CACNA2D1: variants seen among roughly 807,000 people sequenced by gnomAD.
The protein encoded by CACNA2D1 is calcium voltage-gated channel auxiliary subunit alpha2delta 1, also known as voltage-dependent calcium channel subunit alpha-2/delta-1.
CACNA2D1 carries 53 observed loss-of-function variants against 171.5 expected under a neutral mutation model. That is an observed-to-expected ratio of 0.31 (90% CI 0.25 to 0.39). The LOEUF is 0.39. CACNA2D1 is among the 10% of genes least tolerant of loss of function. The pLI, the probability that CACNA2D1 is intolerant of heterozygous loss-of-function variation, is 1.00. For synonymous variants in CACNA2D1, 442 were observed against 443.1 expected, an observed-to-expected ratio of 1.00 and a Z score of 0.03; for missense variants, 903 against 1,299.8, an observed-to-expected ratio of 0.69 and a Z score of 4.69.
intron 38 of CACNA2D1, among the ~76,000 whole-genome samples, chr7:81,955,905 T>TGGGGGGGGGGG (rs59823054): frequency 1.9e-5 from 1 of 53,934 alleles, no homozygotes; most frequent in Non-Finnish European, 3.5e-5. Flanking sequence ...GTTATTTTGG[T>TGGGGGGGGGGG]GGGGGGGGGG....
At chr7:82,357,131 A>G (rs1211621577) in intron 1 of CACNA2D1, among the ~76,000 whole-genome samples, 1 of 152,184 alleles carries the variant, frequency 6.6e-6, no homozygotes, top group Non-Finnish European at 1.5e-5. Flanking sequence ...GAATATGCAG[A>G]TTTTCATTAA....
At chr7:82,302,085 A>G (rs1813084735) in intron 3 of CACNA2D1, among the ~76,000 whole-genome samples, 1 of 152,140 alleles carries the variant, frequency 6.6e-6, no homozygotes, top group Admixed American at 6.6e-5. Context: ...TAGACAGAAT[A>G]TATTTAAATT....
At chr7:82,440,997 T>A (rs2129459990) in intron 1 of CACNA2D1, among the ~76,000 whole-genome samples, 1 of 151,636 alleles carries the variant, frequency 6.6e-6, no homozygotes, top group Non-Finnish European at 1.5e-5. Context: ...TATTTACTAA[T>A]GATTCCGAGA....
chr7:82,325,441 G>A (rs1386953845), intron 3 of CACNA2D1, among the ~76,000 whole-genome samples: 10 of 151,996 alleles, frequency 6.6e-5, no homozygotes, highest in Non-Finnish European at 1.0e-4. Flanking sequence ...ATGGTACTAT[G>A]AGAGCCCAGT....
chr7:82,104,535 C>T (rs763952759), intron 6 of CACNA2D1, among the ~76,000 whole-genome samples: 34 of 151,992 alleles, frequency 2.2e-4, no homozygotes, highest in Admixed American at 4.6e-4. Flanking sequence ...CAAATGTTCA[C>T]TGAATATCAC....
Position 82,443,469 on chromosome 7 carries a change from C to T in CACNA2D1, c.-10G>A. On this transcript the variant is annotated 5_prime_UTR_variant, in exon 1 of 39. Coordinates refer to ENST00000356860, the MANE Select transcript of CACNA2D1 (RefSeq NM_000722.4). The stretch of plus-strand genomic sequence containing the variant: ...GGCAGCCAGCAGCCATCTTCGCGAT[C>T]GAAGATCAATGCCCCCTCCCTGCCC... 2.5e-6 allele frequency: 4 copies of T among 1,606,672 alleles called. No homozygotes were observed. Among genetic ancestry groups the T allele is most frequent in the Non-Finnish European group, 3.4e-6 (4 of 1,176,328 alleles).
chr7:82,322,801 A>C (rs889298712), intron 3 of CACNA2D1, among the ~76,000 whole-genome samples: 4 of 152,168 alleles, frequency 2.6e-5, no homozygotes, highest in African/African-American at 4.8e-5. Flanking sequence ...TGAAGAACAG[A>C]TGCAAAGAAC....
In CACNA2D1 at chr7:82,181,041, A is replaced by ATTTTTTTTTTTTTTTTTTTTTTTTTTT. The variant is rs71093367; in HGVS notation, c.295-10459_295-10433dup. On this transcript the variant is annotated intron_variant, in intron 3 of 38. Coordinates refer to ENST00000356860, the MANE Select transcript of CACNA2D1 (RefSeq NM_000722.4). Reference sequence around the variant, plus strand: ...GGTCAGCAGCTGTGGGGCATGTCGGATTTTTTTTTTTTTTTTTTTTTTTTT... The same window carrying ATTTTTTTTTTTTTTTTTTTTTTTTTTT: ...GGTCAGCAGCTGTGGGGCATGTCGGATTTTTTTTTTTTTTTTTTTTTTTTTTTTTTTTTTTTTTTTTTTTTTTTTTTT... Among the ~76,000 whole-genome samples, 11 of 13,960 alleles carry ATTTTTTTTTTTTTTTTTTTTTTTTTTT rather than the reference A, an allele frequency of 7.9e-4. 5 individuals are homozygous for ATTTTTTTTTTTTTTTTTTTTTTTTTTT. Among genetic ancestry groups the ATTTTTTTTTTTTTTTTTTTTTTTTTTT allele is most frequent in the Non-Finnish European group, 1.5e-3 (10 of 6,626 alleles). The allele number at this position is 13,960 out of a possible 152,430, so 9.2% of individuals were successfully genotyped here.
chr7:82,169,852 A>AT (rs34323202), intron 4 of CACNA2D1, among the ~76,000 whole-genome samples: 4,643 of 149,040 alleles, frequency 0.031, 95 homozygotes, highest in African/African-American at 0.054. Flanking sequence ...TTATTAAGGA[A>AT]TTTTTTTTTT....
intron 3 of CACNA2D1, among the ~76,000 whole-genome samples, chr7:82,262,507 G>C (rs930726505): frequency 1.3e-5 from 2 of 152,232 alleles, no homozygotes; most frequent in African/African-American, 4.8e-5. Flanking sequence ...GTTATTTCTA[G>C]AGCATTGCCG....
Position 82,443,433 on chromosome 7 carries a change from C to T in CACNA2D1, c.27G>A (p.Leu9=), listed in dbSNP as rs1237362784. The T allele has an allele frequency of 1.2e-6, 2 of 1,607,986 alleles. No homozygotes were observed. The highest frequency in any genetic ancestry group is 1.7e-4 in the Middle Eastern group (1 of 6,032). ...GCAAAGATTGGAAAAGTGTCAGAGT[C>T]AAGGCCAGCAGGCAGCCAGCAGCCA... The part of the protein sequence containing the change: MAAGCLLA[L]TLTLFQSLLI... The change falls in exon 1 of 39, where the codon TTG becomes TTA. Residue 9 remains leucine (L), a synonymous_variant. Coordinates refer to ENST00000356860, the MANE Select transcript of CACNA2D1 (RefSeq NM_000722.4).
chr7:82,032,890 G>T lies in CACNA2D1; in HGVS notation c.1050C>A (p.Ser350=). The part of the protein sequence containing the change: ...AFEQLLNYNV[S]RANCNKIIML... ...TAATAATCTTATTGCAGTTTGCTCT[G>T]GAAACATTATACTGTTAAAAACAAA... Residue 350 remains serine (S), a synonymous_variant, in exon 12 of 39, where the codon TCC becomes TCA. Transcript: ENST00000356860. 6.3e-7 allele frequency: 1 copy of T among 1,582,204 alleles called. No individual in the cohort carries two copies. The highest frequency in any genetic ancestry group is 8.7e-7 in the Non-Finnish European group (1 of 1,152,572).
At chr7:82,255,298 C>G (rs1462580376) in intron 3 of CACNA2D1, among the ~76,000 whole-genome samples, 1 of 152,090 alleles carries the variant, frequency 6.6e-6, no homozygotes, top group Non-Finnish European at 1.5e-5. Context: ...GTGTTTTTCC[C>G]AATGTGAGTG....
At chr7:82,258,839 T>TTTTTTA (rs869029668) in intron 3 of CACNA2D1, among the ~76,000 whole-genome samples, 1 of 141,940 alleles carries the variant, frequency 7.0e-6, no homozygotes, top group Non-Finnish European at 1.5e-5. Context: ...TTTTTTTTTT[T>TTTTTTA]GAGACAGTTT....
At position 82,124,820 on chromosome 7, in the gene CACNA2D1, C is replaced by A. The variant is rs1310475712; in HGVS notation, c.397-7647G>T. Among the ~76,000 whole-genome samples, 7 of 152,054 alleles carry A rather than the reference C, an allele frequency of 4.6e-5. No homozygotes were observed. The South Asian group carries it at 1.5e-3, about 32-fold the overall frequency. ...AACACCTAGACTCTGATTCTTTCTT[C>A]AATAATTAGACTTCATCAATGTTTG... On this transcript the variant is annotated intron_variant, in intron 5 of 38. Coordinates refer to ENST00000356860, the MANE Select transcript of CACNA2D1 (RefSeq NM_000722.4).
At chr7:82,099,815 T>C (rs1812453449) in intron 6 of CACNA2D1, among the ~76,000 whole-genome samples, 1 of 152,142 alleles carries the variant, frequency 6.6e-6, no homozygotes, top group African/African-American at 2.4e-5. Context: ...ATCATATTAT[T>C]CTGTTCTCTA....
intron 3 of CACNA2D1, among the ~76,000 whole-genome samples, chr7:82,185,484 AGGAGGAGGGGGAGGGGAGG>A (rs1797589649): frequency 4.1e-5 from 1 of 24,522 alleles, no homozygotes; most frequent in Non-Finnish European, 8.3e-5. Flanking sequence ...GGGGAGGGGG[AGGAGGAGGGGGAGGGGAGG>A]GGGAGGGGGA....
chr7:82,389,134 A>G (rs552415386), intron 1 of CACNA2D1, among the ~76,000 whole-genome samples: 20 of 137,866 alleles, frequency 1.5e-4, no homozygotes, highest in African/African-American at 2.0e-4. Context: ...AATAATTAGT[A>G]TATATATATA....
intron 10 of CACNA2D1, among the ~76,000 whole-genome samples, chr7:82,058,254 T>A (rs1174670992): frequency 6.6e-6 from 1 of 152,176 alleles, no homozygotes; most frequent in African/African-American, 2.4e-5. Context: ...TTTCCTGTGA[T>A]CACCTCCCAA....
Sources: gnomAD v4.1 joint callset for allele counts (sites outside exome capture counted in the v4.1 genomes callset) on GRCh38, gnomAD v4.1.1 for gene constraint, MANE v1.5 for transcripts, NCBI Gene and HGNC (gene_info 2026-07-23, HGNC 2026-07-21) for gene names.